The following CCDC150 variants were observed in gnomAD, a reference collection of about 807,000 sequenced individuals.
The protein encoded by CCDC150 is coiled-coil domain-containing protein 150.
A neutral mutation model predicts 156.5 loss-of-function variants in CCDC150; 151 were observed. The observed-to-expected ratio is 0.97, with a 90% CI of 0.85 to 1.10. CCDC150 has a LOEUF of 1.10. Among genes scored for constraint, CCDC150 ranks in the 50% least tolerant of loss-of-function variants. CCDC150 has a pLI of 0.00. For synonymous variants in CCDC150, 452 were observed against 429.4 expected, an observed-to-expected ratio of 1.05 and a Z score of -0.65; for missense variants, 1,312 against 1,268.1, an observed-to-expected ratio of 1.03 and a Z score of -0.53.
At chr2:196,713,486 T>G (rs2125693904) in intron 17 of CCDC150, 2 of 1,550,718 alleles carry the variant, frequency 1.3e-6, no homozygotes, top group East Asian at 4.9e-5. Context: ...TATTCCAAAC[T>G]CTACACGCCG....
At chr2:196,649,638 T>TAC (rs969624538) in intron 2 of CCDC150, among the ~76,000 whole-genome samples, 46 of 152,332 alleles carry the variant, frequency 3.0e-4, no homozygotes, top group African/African-American at 1.1e-3. Context: ...TCCCTGTCAT[T>TAC]ACATAACTCA....
chr2:196,683,630 C>A (rs138143983), intron 13 of CCDC150, among the ~76,000 whole-genome samples: 2,631 of 152,088 alleles, frequency 0.017, 30 homozygotes, highest in Non-Finnish European at 0.027. Context: ...GTGAAGCCAT[C>A]TGGTTCTGGG....
intron 2 of CCDC150, among the ~76,000 whole-genome samples, chr2:196,654,201 G>C (rs1454549066): frequency 6.6e-6 from 1 of 152,192 alleles, no homozygotes; most frequent in East Asian, 1.9e-4. Flanking sequence ...CACTATGTAA[G>C]TGTCTAAGTA....
chr2:196,719,402 G>A, intron 18 of CCDC150, 95 bp from the exon 19 acceptor site: 1 of 983,386 alleles, frequency 1.0e-6, no homozygotes, highest in South Asian at 2.3e-5. Flanking sequence ...CTGCTTGTCT[G>A]CTTTCCATGC....
chr2:196,726,347 A>C (rs1698209475), intron 22 of CCDC150: 1 of 342,324 alleles, frequency 2.9e-6, no homozygotes, highest in Admixed American at 3.8e-5. Context: ...AGAGGGATAG[A>C]GGAATAAGGA....
At chr2:196,674,022 A>G (rs1406781387) in intron 9 of CCDC150, among the ~76,000 whole-genome samples, 3 of 152,166 alleles carry the variant, frequency 2.0e-5, no homozygotes, top group Non-Finnish European at 2.9e-5. Flanking sequence ...CAGTTGCTCT[A>G]CCAAATCAAC....
chr2:196,665,596 C>T lies in CCDC150; in HGVS notation c.675C>T (p.Tyr225=), dbSNP rs1323147038. The change falls in exon 6 of 28, where the codon TAC becomes TAT. Residue 225 remains tyrosine, a synonymous_variant. Transcript: ENST00000389175. ...ELRRQLAQEK[Y]LRESLEKSAS... ...GGAGACAACTGGCTCAGGAGAAGTA[C>T]CTTAGGGAATCTTTAGAGAAATCAG... 2 of 1,604,338 alleles carry T rather than the reference C, an allele frequency of 1.2e-6. No homozygotes were observed. Among genetic ancestry groups the T allele is most frequent in the African/African-American group, 1.3e-5 (1 of 74,802 alleles).
intron 1 of CCDC150, among the ~76,000 whole-genome samples, chr2:196,642,250 G>A (rs1259815454): frequency 1.3e-5 from 2 of 152,200 alleles, no homozygotes; most frequent in African/African-American, 2.4e-5. Flanking sequence ...TTGCTAGAAT[G>A]TCAGCCATTA....
At chr2:196,664,610 A>C (rs1416770084) in intron 5 of CCDC150, among the ~76,000 whole-genome samples, 3 of 152,290 alleles carry the variant, frequency 2.0e-5, no homozygotes, top group East Asian at 3.9e-4. Context: ...CGGCCTCATT[A>C]CATAGGCATG....
chr2:196,700,704 G>C (rs1013954620), intron 14 of CCDC150, among the ~76,000 whole-genome samples: 2 of 152,042 alleles, frequency 1.3e-5, no homozygotes, highest in Admixed American at 1.3e-4. Context: ...TGGTAAGTGA[G>C]GTGCCTTCTG....
chr2:196,656,944 G>T lies in CCDC150; in HGVS notation c.398-14G>T, dbSNP rs1465633607. On this transcript the variant is annotated splice_polypyrimidine_tract_variant and intron_variant, in intron 3 of 27. Transcript: ENST00000389175. ...CTTTCTGCTGCTTGATGCCCCTCCT[G>T]TGCGGTCTGGTAGCTTTTCTGAAAG... 2 of 1,612,862 alleles carry T rather than the reference G, an allele frequency of 1.2e-6. No homozygotes were observed. The highest frequency in any genetic ancestry group is 1.7e-6 in the Non-Finnish European group (2 of 1,179,324).
intron 15 of CCDC150, among the ~76,000 whole-genome samples, chr2:196,707,529 A>G (rs571112129): frequency 6.6e-6 from 1 of 151,824 alleles, no homozygotes; most frequent in African/African-American, 2.4e-5. Context: ...CTCTGATCTT[A>G]GTTATTTCTT....
intron 13 of CCDC150, among the ~76,000 whole-genome samples, chr2:196,683,647 TG>T (rs1239037570): frequency 6.6e-6 from 1 of 152,062 alleles, no homozygotes; most frequent in African/African-American, 2.4e-5. Context: ...TGGGCTTTCT[TG>T]TATGTAGAAG....
chr2:196,646,265 C>T (rs1214851755), intron 1 of CCDC150, 76 bp from the exon 2 acceptor site: 3 of 1,376,826 alleles, frequency 2.2e-6, no homozygotes, highest in Non-Finnish European at 3.1e-6. Flanking sequence ...ATGCCTAATC[C>T]TGGCACAGGA....
At chr2:196,675,491 A>C (rs1405918792) in intron 10 of CCDC150, among the ~76,000 whole-genome samples, 19 of 152,198 alleles carry the variant, frequency 1.2e-4, no homozygotes, top group Non-Finnish European at 2.2e-4. Flanking sequence ...TTATAAAACT[A>C]ATTGTTGATA....
chr2:196,668,899 A>T (rs1287575464), intron 7 of CCDC150, among the ~76,000 whole-genome samples: 1 of 152,204 alleles, frequency 6.6e-6, no homozygotes, highest in Non-Finnish European at 1.5e-5. Context: ...GTGTTCAAAA[A>T]GTACAGTTTT....
At chr2:196,657,168 C>T (rs1412714726) in intron 4 of CCDC150, 32 bp downstream of exon 4, 3 of 1,606,604 alleles carry the variant, frequency 1.9e-6, no homozygotes, top group Non-Finnish European at 2.6e-6. Context: ...AGTATAAACA[C>T]ACTGTTATGT....
chr2:196,726,376 A>G (rs949782286), intron 22 of CCDC150: 5 of 277,680 alleles, frequency 1.8e-5, no homozygotes, highest in African/African-American at 2.1e-5. Flanking sequence ...TTTGATAGAC[A>G]GAAGAGAAAT....
Position 196,674,992 on chromosome 2 carries a change from G to A in CCDC150, c.1137+644G>A, listed in dbSNP as rs76719895. On this transcript the variant is annotated intron_variant, in intron 10 of 27. Transcript: ENST00000389175. ...TCATTTTACAGATAAGAAAATGAGGGTTAGAGAAGTTCACTTGCCCAAATT... is the reference window on the plus strand; with the variant it reads ...TCATTTTACAGATAAGAAAATGAGGATTAGAGAAGTTCACTTGCCCAAATT... 3.8e-4 allele frequency among the ~76,000 whole-genome samples: 58 copies of A among 152,180 alleles called. 1 individual carries two copies. The East Asian group carries it at 7.9e-3, about 21-fold the overall frequency.
Sources: gnomAD v4.1 joint callset for allele counts (sites outside exome capture counted in the v4.1 genomes callset) on GRCh38, gnomAD v4.1.1 for gene constraint, MANE v1.5 for transcripts, NCBI Gene and HGNC (gene_info 2026-07-23, HGNC 2026-07-21) for gene names.